The following SUPT3H variants were observed in gnomAD, a reference collection of about 807,000 sequenced individuals.
The protein encoded by SUPT3H is transcription initiation protein SPT3 homolog.
A neutral mutation model predicts 44.3 loss-of-function variants in SUPT3H; 44 were observed. That is an observed-to-expected ratio of 0.99 (90% CI 0.78 to 1.28). The LOEUF (loss-of-function observed/expected upper bound fraction) is 1.28. Ranked by LOEUF, SUPT3H falls within the 50% of genes most tolerant of loss-of-function variation. The pLI, the probability that SUPT3H is intolerant of heterozygous loss-of-function variation, is 0.00. For missense variants in SUPT3H, 380 were observed against 387.1 expected (o/e 0.98, Z 0.15); for synonymous variants, 124 against 125.6 (o/e 0.99, Z 0.09).
chr6:45,348,465 C>G (rs2396504), intron 2 of SUPT3H, among the ~76,000 whole-genome samples: 55,028 of 145,264 alleles, frequency 0.38, 10,965 homozygotes, highest in Non-Finnish European at 0.45. Context: ...TCTAGAGTTC[C>G]AGACCAGACT....
chr6:45,233,757 T>C (rs540016381), intron 2 of SUPT3H, among the ~76,000 whole-genome samples: 94 of 152,346 alleles, frequency 6.2e-4, no homozygotes, highest in Middle Eastern at 6.8e-3. Context: ...AGGATGTGTG[T>C]CTGATGCCTT....
At chr6:45,313,541 A>C (rs901122008) in intron 2 of SUPT3H, among the ~76,000 whole-genome samples, 2 of 152,098 alleles carry the variant, frequency 1.3e-5, no homozygotes, top group Non-Finnish European at 2.9e-5. Flanking sequence ...GAAAACCTAG[A>C]ACAGATGGAT....
chr6:45,283,217 T>A (rs1460440063), intron 2 of SUPT3H, among the ~76,000 whole-genome samples: 2 of 151,964 alleles, frequency 1.3e-5, no homozygotes, highest in African/African-American at 2.4e-5. Context: ...AATGACAGGA[T>A]CAAATTCACA....
At chr6:45,014,604 T>C (rs1324349648) in intron 5 of SUPT3H, among the ~76,000 whole-genome samples, 197 bp downstream of exon 5, 1 of 152,092 alleles carries the variant, frequency 6.6e-6, no homozygotes, top group Non-Finnish European at 1.5e-5. Context: ...CTATGAGAAG[T>C]GTAGTAATAT....
intron 10 of SUPT3H, among the ~76,000 whole-genome samples, chr6:44,866,314 A>G (rs1775499766): frequency 6.6e-6 from 1 of 152,034 alleles, no homozygotes; most frequent in Admixed American, 6.6e-5. Flanking sequence ...AAAAGAAAGA[A>G]AATACTAAAA....
intron 3 of SUPT3H, among the ~76,000 whole-genome samples, chr6:45,087,286 C>T (rs1240450223): frequency 6.6e-6 from 1 of 151,660 alleles, no homozygotes; most frequent in East Asian, 1.9e-4. Flanking sequence ...AAGCTTTTCC[C>T]CAAACAGAAG....
chr6:44,831,798 C>G (rs149152142), intron 10 of SUPT3H, among the ~76,000 whole-genome samples: 22 of 152,022 alleles, frequency 1.4e-4, no homozygotes, highest in Non-Finnish European at 2.8e-4. Flanking sequence ...TCTTTTCAGA[C>G]GGGGCAATAT....
intron 2 of SUPT3H, among the ~76,000 whole-genome samples, chr6:45,307,281 A>T (rs1037452492): frequency 6.6e-6 from 1 of 152,204 alleles, no homozygotes; most frequent in East Asian, 1.9e-4. Context: ...GGGTTCTCCC[A>T]GCACACAGCT....
chr6:45,008,596 C>T (rs1366260953), intron 5 of SUPT3H, among the ~76,000 whole-genome samples: 1 of 151,958 alleles, frequency 6.6e-6, no homozygotes, highest in Non-Finnish European at 1.5e-5. Flanking sequence ...TTAAAGTGAT[C>T]CTCCTGCCTC....
chr6:44,857,174 C>A (rs1773876713), intron 10 of SUPT3H, among the ~76,000 whole-genome samples: 1 of 152,108 alleles, frequency 6.6e-6, no homozygotes, highest in Admixed American at 6.5e-5. Context: ...GCTTCTTCCA[C>A]ATTGTTTACC....
intron 6 of SUPT3H, among the ~76,000 whole-genome samples, chr6:44,984,393 ATAAAATTTTTATTT>A (rs1779496640): frequency 6.6e-6 from 1 of 152,192 alleles, no homozygotes; most frequent in African/African-American, 2.4e-5. Context: ...GAAATAGTGA[ATAAAATTTTTATTT>A]TATTGGTGTC....
chr6:45,042,387 C>T (rs1189954191), intron 3 of SUPT3H, among the ~76,000 whole-genome samples: 1 of 152,184 alleles, frequency 6.6e-6, no homozygotes, highest in Non-Finnish European at 1.5e-5. Flanking sequence ...CATGGCATTG[C>T]ACTCCAGCCT....
intron 2 of SUPT3H, among the ~76,000 whole-genome samples, chr6:45,204,521 C>G (rs1762935974): frequency 6.6e-6 from 1 of 152,164 alleles, no homozygotes. Flanking sequence ...TCAAGGAGGA[C>G]AAGAGTCAGG....
intron 2 of SUPT3H, among the ~76,000 whole-genome samples, chr6:45,193,323 G>C (rs1344776043): frequency 6.6e-6 from 1 of 151,950 alleles, no homozygotes; most frequent in Non-Finnish European, 1.5e-5. Context: ...TCCTAAATAA[G>C]CTTTAAAATT....
At chr6:45,250,845 G>C (rs1469115725) in intron 2 of SUPT3H, 1 of 150,016 alleles carries the variant, frequency 6.7e-6, no homozygotes, top group Non-Finnish European at 1.5e-5. Context: ...TTTTTCTTTT[G>C]AGACAGAGTC....
chr6:45,061,105 C>T (rs1791935450), intron 3 of SUPT3H, among the ~76,000 whole-genome samples: 1 of 152,058 alleles, frequency 6.6e-6, no homozygotes, highest in South Asian at 2.1e-4. Flanking sequence ...GGTATATACT[C>T]AAAGGAATAT....
intron 2 of SUPT3H, among the ~76,000 whole-genome samples, chr6:45,314,046 C>T (rs909893820): frequency 4.6e-5 from 7 of 152,062 alleles, no homozygotes; most frequent in Non-Finnish European, 1.0e-4. Flanking sequence ...AAAAATCACA[C>T]AATCATCTCA....
chr6:44,947,572 T>C (rs1773559609), intron 9 of SUPT3H, among the ~76,000 whole-genome samples: 1 of 152,194 alleles, frequency 6.6e-6, no homozygotes, highest in Non-Finnish European at 1.5e-5. Context: ...TTTCTTTCTT[T>C]GGCAGTAACT....
chr6:45,173,022 G>C (rs887596871), intron 2 of SUPT3H, among the ~76,000 whole-genome samples: 3 of 152,070 alleles, frequency 2.0e-5, no homozygotes, highest in African/African-American at 7.2e-5. Context: ...ATGAAATAAA[G>C]ACGCAAACAA....
Sources: gnomAD v4.1 joint callset for allele counts (sites outside exome capture counted in the v4.1 genomes callset) on GRCh38, gnomAD v4.1.1 for gene constraint, MANE v1.5 for transcripts, NCBI Gene and HGNC (gene_info 2026-07-23, HGNC 2026-07-21) for gene names.